Variants in PPP1R21 observed in about 807,000 individuals in gnomAD.
PPP1R21 encodes protein phosphatase 1 regulatory subunit 21.
In PPP1R21, 85 loss-of-function variants were observed where a neutral mutation model predicts 112.8. That is an observed-to-expected ratio of 0.75 (90% confidence interval 0.63 to 0.90). The LOEUF (loss-of-function observed/expected upper bound fraction) is 0.90, where lower values mean the gene tolerates loss of function less well. Among genes scored for constraint, PPP1R21 ranks in the 40% least tolerant of loss-of-function variants. The probability of loss-of-function intolerance (pLI) is 0.00; values close to 1 mark genes in which losing one functional copy is unlikely to be tolerated. For synonymous variants in PPP1R21, 381 were observed against 322.3 expected (o/e 1.18, Z -1.95); for missense variants, 1,199 against 901.5 (o/e 1.33, Z -4.23).
At chr2:48,466,497 G>T (rs1223612934) in intron 9 of PPP1R21, among the ~76,000 whole-genome samples, 2 of 152,116 alleles carry the variant, frequency 1.3e-5, no homozygotes, top group African/African-American at 4.8e-5. Flanking sequence ...AAAGTGCTGG[G>T]ATTACAGGTG....
rs777993842 is a variant in PPP1R21 at position 48,471,331 on chromosome 2, G to C, written c.1052G>C (p.Cys351Ser). 4.3e-6 allele frequency: 7 copies of C among 1,609,942 alleles called. No homozygotes were observed. In the East Asian group the frequency reaches 1.6e-4, roughly 36 times the overall value. ...TCAGAACACTTAACCTCCTACATAT[G>C]TTTTCTTAGGAAGATTCTTCCCTAT... is the stretch of plus-strand genomic sequence containing the variant. ...TFSEHLTSYI[C>S]FLRKILPYQL... The change falls in exon 11 of 22, where the codon TGT becomes TCT. Residue 351 changes from cysteine to serine, a missense_variant. By Grantham distance (112) the Cys-to-Ser change is moderately radical. Transcript: ENST00000294952.
rs151297078 is a variant in PPP1R21 at position 48,484,180 on chromosome 2, G to A, written c.1319-2451G>A. On this transcript the variant is annotated intron_variant, in intron 13 of 21. Coordinates refer to ENST00000294952, the MANE Select transcript of PPP1R21 (RefSeq NM_001135629.3). ...TTGCCATGCAGAGATCTGTTTTGCAGCCACCCAAGACCATGCTTGTGTCTG... is the reference window on the plus strand; with the variant it reads ...TTGCCATGCAGAGATCTGTTTTGCAACCACCCAAGACCATGCTTGTGTCTG... 3.5e-3 allele frequency among the ~76,000 whole-genome samples: 532 copies of A among 152,192 alleles called. 1 individual carries two copies. Among genetic ancestry groups the A allele is most frequent in the African/African-American group, 0.012 (499 of 41,540 alleles).
At position 48,469,535 on chromosome 2, in the gene PPP1R21, T is replaced by TATATATAGAGAGAGAG. The variant is rs1553339307; in HGVS notation, c.898-1551_898-1550insTATATAGAGAGAGAGA. Among the ~76,000 whole-genome samples, 298 of 73,160 alleles carry TATATATAGAGAGAGAG rather than the reference T, an allele frequency of 4.1e-3. 12 individuals are homozygous for TATATATAGAGAGAGAG. The highest frequency in any genetic ancestry group is 5.5e-3 in the Non-Finnish European group (208 of 37,782). The allele number at this position is 73,160 out of a possible 152,430, so 48.0% of individuals were successfully genotyped here. Reference sequence around the variant, plus strand: ...ATATATATATATATATATATATATATAGAGCATATATATATATAGAGAGAG... The same window carrying TATATATAGAGAGAGAG: ...ATATATATATATATATATATATATATATATATAGAGAGAGAGAGAGCATATATATATATAGAGAGAG... On this transcript the variant is annotated intron_variant, in intron 9 of 21. Transcript: ENST00000294952.
In PPP1R21 at chr2:48,474,679, C is replaced by G. The variant is rs762946888; in HGVS notation, c.1089-4C>G. The G allele has an allele frequency of 4.4e-6, 7 of 1,597,564 alleles. No homozygotes were observed. Among genetic ancestry groups the G allele is most frequent in the Non-Finnish European group, 6.0e-6 (7 of 1,172,956 alleles). Reference sequence around the variant, plus strand: ...TCACTTCTTAAAAATCTGCCTATTCCTAGTTTAGAAGAAGAATGTGAATCC... The same window carrying G: ...TCACTTCTTAAAAATCTGCCTATTCGTAGTTTAGAAGAAGAATGTGAATCC... On this transcript the variant is annotated splice_region_variant and splice_polypyrimidine_tract_variant and intron_variant, in intron 11 of 21. Transcript: ENST00000294952.
intron 12 of PPP1R21, among the ~76,000 whole-genome samples, chr2:48,476,200 A>G (rs1572861210): frequency 6.6e-6 from 1 of 152,236 alleles, no homozygotes; most frequent in African/African-American, 2.4e-5. Context: ...TTTAAATGGA[A>G]TAATATGGTA....
intron 3 of PPP1R21, among the ~76,000 whole-genome samples, chr2:48,454,954 C>A (rs1667654078): frequency 6.6e-6 from 1 of 152,120 alleles, no homozygotes; most frequent in Non-Finnish European, 1.5e-5. Context: ...CCTCCCACCT[C>A]CGCCCCCAGA....
At chr2:48,472,595 C>T (rs1255572566) in intron 11 of PPP1R21, among the ~76,000 whole-genome samples, 6 of 150,892 alleles carry the variant, frequency 4.0e-5, no homozygotes, top group South Asian at 2.1e-4. Context: ...CACTGCACTC[C>T]AGCCTGGGCA....
intron 1 of PPP1R21, among the ~76,000 whole-genome samples, chr2:48,444,967 C>G (rs987895577): frequency 2.6e-5 from 4 of 151,038 alleles, no homozygotes; most frequent in African/African-American, 9.8e-5. Flanking sequence ...ATAAAGGGAG[C>G]TTTTTAGACT....
chr2:48,443,752 TGC>T (rs1321460628), intron 1 of PPP1R21, among the ~76,000 whole-genome samples: 1 of 152,266 alleles, frequency 6.6e-6, no homozygotes, highest in Non-Finnish European at 1.5e-5. Flanking sequence ...ATAAGATCTA[TGC>T]TCTCTCCAGT....
At chr2:48,466,597 C>T (rs182144172) in intron 9 of PPP1R21, among the ~76,000 whole-genome samples, 18 of 151,986 alleles carry the variant, frequency 1.2e-4, no homozygotes, top group Admixed American at 5.2e-4. Context: ...ATGAGATCAC[C>T]GGGGAATGGA....
Position 48,440,791 on chromosome 2 carries a change from A to G in PPP1R21, c.-163A>G, listed in dbSNP as rs1666973104. ...ACTCCACCTTCCTCCCACCCCGGGA[A>G]CCCGGAAGTGGAGGAGGAGGCGCGG... is the stretch of plus-strand genomic sequence containing the variant. On this transcript the variant is annotated 5_prime_UTR_variant, in exon 1 of 22. Coordinates refer to ENST00000294952, the MANE Select transcript of PPP1R21 (RefSeq NM_001135629.3). 1 of 624,126 alleles carries G rather than the reference A, an allele frequency of 1.6e-6. No individual in the cohort carries two copies. 38.7% of individuals were successfully genotyped at this position (624,126 alleles called of 1,614,324 possible). A position where few individuals can be genotyped will look rare whatever the true frequency, so the allele number is the denominator to read the frequency against.
Position 48,471,296 on chromosome 2 carries a change from G to T in PPP1R21, c.1017G>T (p.Leu339Phe). 6.2e-7 allele frequency: 1 copy of T among 1,611,706 alleles called. No individual in the cohort carries two copies. Among genetic ancestry groups the T allele is most frequent in the Non-Finnish European group, 8.5e-7 (1 of 1,179,062 alleles). The part of the protein sequence containing the change: ...TVTVLETTVK[L>F]KTFSEHLTSY... Reference sequence around the variant, plus strand: ...TTTTCCAGGAGACAACTGTGAAATTGAAAACTTTTTCAGAACACTTAACCT... The same window carrying T: ...TTTTCCAGGAGACAACTGTGAAATTTAAAACTTTTTCAGAACACTTAACCT... Residue 339 changes from leucine (L) to phenylalanine (F), a missense_variant, in exon 11 of 22, where the codon TTG becomes TTT. Coordinates refer to ENST00000294952, the MANE Select transcript of PPP1R21 (RefSeq NM_001135629.3).
At chr2:48,497,650 T>A (rs557190060) in intron 16 of PPP1R21, among the ~76,000 whole-genome samples, 100 of 151,064 alleles carry the variant, frequency 6.6e-4, no homozygotes, top group African/African-American at 2.3e-3. Context: ...CCTATAGTTC[T>A]ATTTTTTTTT....
chr2:48,505,535 T>C, intron 17 of PPP1R21, 29 bp from the exon 18 acceptor site: 2 of 1,518,688 alleles, frequency 1.3e-6, no homozygotes, highest in South Asian at 2.4e-5. Flanking sequence ...CACATTCTGT[T>C]CTAAAAGATT....
chr2:48,463,313 A>G (rs1572844914), intron 7 of PPP1R21, among the ~76,000 whole-genome samples: 1 of 152,230 alleles, frequency 6.6e-6, no homozygotes, highest in East Asian at 1.9e-4. Context: ...GGGAGTTTCA[A>G]CCTGATGGTG....
At chr2:48,497,800 C>T (rs1439507810) in intron 16 of PPP1R21, among the ~76,000 whole-genome samples, 2 of 151,912 alleles carry the variant, frequency 1.3e-5, no homozygotes, top group South Asian at 2.1e-4. Context: ...TACAGGCGCC[C>T]GCCGCCACAC....
At position 48,440,899 on chromosome 2, in the gene PPP1R21, C is replaced by A; in HGVS notation, c.-55C>A. 1 of 941,820 alleles carries A rather than the reference C, an allele frequency of 1.1e-6. No homozygotes were observed. The highest frequency in any genetic ancestry group is 1.5e-6 in the Non-Finnish European group (1 of 673,312). The allele number at this position is 941,820 out of a possible 1,614,324, so 58.3% of individuals were successfully genotyped here. The stretch of plus-strand genomic sequence containing the variant: ...CCGGGAGCGTGTCTGGGTTTGGGGG[C>A]GGGAGACAGGCTGAGCCGCCTGGGC... On this transcript the variant is annotated 5_prime_UTR_variant, in exon 1 of 22. Transcript: ENST00000294952.
At chr2:48,461,866 T>G (rs890670331) in intron 7 of PPP1R21, among the ~76,000 whole-genome samples, 2 of 152,118 alleles carry the variant, frequency 1.3e-5, no homozygotes, top group African/African-American at 4.8e-5. Context: ...TTTTCTGTAA[T>G]CACATGATTG....
intron 9 of PPP1R21, among the ~76,000 whole-genome samples, chr2:48,466,396 T>C (rs1004088454): frequency 3.3e-5 from 5 of 151,820 alleles, no homozygotes; most frequent in Admixed American, 6.6e-5. Context: ...TTCTTTTTTT[T>C]CCCTATTTTT....
Sources: allele counts gnomAD v4.1 joint callset (sites outside exome capture counted in the v4.1 genomes callset), GRCh38; gene constraint gnomAD v4.1.1; transcripts MANE v1.5; gene names NCBI Gene and HGNC (gene_info 2026-07-23, HGNC 2026-07-21).